Variants in FOXN3 observed in about 807,000 individuals in gnomAD.
FOXN3 encodes forkhead box protein N3.
In FOXN3, 7 loss-of-function variants were observed where a neutral mutation model predicts 38.4. That is an observed-to-expected ratio of 0.18 (90% CI 0.10 to 0.34). The LOEUF (loss-of-function observed/expected upper bound fraction) is 0.34. FOXN3 is among the 10% of genes least tolerant of loss of function. FOXN3 has a pLI of 1.00. For missense variants in FOXN3, 456 were observed against 613.4 expected (o/e 0.74, Z 2.71); for synonymous variants, 230 against 242.2 (o/e 0.95, Z 0.47).
At chr14:89,250,216 T>C (rs1268892501) in intron 4 of FOXN3, among the ~76,000 whole-genome samples, 6 of 152,182 alleles carry the variant, frequency 3.9e-5, no homozygotes, top group Admixed American at 3.9e-4. Context: ...GCTCAACGGA[T>C]CCTCCTGCCT....
rs1231360189 is a variant in FOXN3, at chr14:89,163,302, G to A, written c.852-333C>T. On this transcript the variant is annotated intron_variant, in intron 5 of 5. Transcript: ENST00000557258. The surrounding 1 kb of genome is among the most constrained non-coding windows in gnomAD (Gnocchi z 4.3). ...ATAAAAATCAAGCTGTGCTTGGTTC[G>A]TGTCCCCGCCAACACCACAGAGTCA... 1.3e-5 allele frequency among the ~76,000 whole-genome samples: 2 copies of A among 152,174 alleles called. No individual in the cohort carries two copies. The highest frequency in any genetic ancestry group is 2.4e-5 in the African/African-American group (1 of 41,444).
At chr14:89,443,181 TG>T (rs373407558) in intron 1 of FOXN3, among the ~76,000 whole-genome samples, 2 of 152,202 alleles carry the variant, frequency 1.3e-5, no homozygotes, top group African/African-American at 4.8e-5. Flanking sequence ...GGTAACTGCA[TG>T]ACAAATAATT....
chr14:89,411,421 G>A lies in FOXN3; in HGVS notation c.543+513C>T, dbSNP rs113380408. ...CAACTCATGTCTGTTTAGTCTGCGA[G>A]CGTAAGTATACTCAAGTCTCTTCTC... On this transcript the variant is annotated intron_variant, in intron 2 of 5. Transcript: ENST00000557258. Among the ~76,000 whole-genome samples, 805 of 152,284 alleles carry A rather than the reference G, an allele frequency of 5.3e-3. 9 individuals carry two copies. Among genetic ancestry groups the A allele is most frequent in the Non-Finnish European group, 7.8e-3 (533 of 68,016 alleles).
chr14:89,284,355 A>G, intron 3 of FOXN3: 1 of 412,838 alleles, frequency 2.4e-6, no homozygotes, highest in East Asian at 7.1e-5. Context: ...CTGAGAGGTG[A>G]AAGGACTTGC....
chr14:89,239,664 T>G (rs896788587), intron 4 of FOXN3, among the ~76,000 whole-genome samples: 1 of 152,256 alleles, frequency 6.6e-6, no homozygotes, highest in African/African-American at 2.4e-5. Context: ...CATTAACCAA[T>G]TGTTCAGTCT....
At chr14:89,505,625 C>A (rs1893903818) in intron 1 of FOXN3, among the ~76,000 whole-genome samples, 1 of 152,066 alleles carries the variant, frequency 6.6e-6, no homozygotes, top group Non-Finnish European at 1.5e-5. Flanking sequence ...CGGCTCGCTA[C>A]AACCTCCACC....
At chr14:89,175,020 T>G (rs893989001) in intron 5 of FOXN3, among the ~76,000 whole-genome samples, 1 of 152,214 alleles carries the variant, frequency 6.6e-6, no homozygotes, top group Non-Finnish European at 1.5e-5. Flanking sequence ...TACTAAAGGT[T>G]GCCACCTTCC....
intron 4 of FOXN3, among the ~76,000 whole-genome samples, chr14:89,261,548 C>T (rs368408342): frequency 6.6e-6 from 1 of 152,278 alleles, no homozygotes; most frequent in South Asian, 2.1e-4. Context: ...AATCCCAGCA[C>T]TTTGGGAGGC....
chr14:89,448,396 C>G (rs1192379222), intron 1 of FOXN3, among the ~76,000 whole-genome samples: 3 of 152,068 alleles, frequency 2.0e-5, no homozygotes, highest in Non-Finnish European at 4.4e-5. Flanking sequence ...ACTGGGAAGT[C>G]AGCAGGACCA....
At chr14:89,186,370 C>T (rs549488349) in intron 4 of FOXN3, among the ~76,000 whole-genome samples, 2 of 152,082 alleles carry the variant, frequency 1.3e-5, no homozygotes, top group African/African-American at 4.8e-5. Context: ...ACCTTCCAAC[C>T]AGGGATTATA....
At chr14:89,288,846 C>A (rs1022643262) in intron 3 of FOXN3, among the ~76,000 whole-genome samples, 1 of 149,502 alleles carries the variant, frequency 6.7e-6, no homozygotes, top group Non-Finnish European at 1.5e-5. Flanking sequence ...TTCAACACTA[C>A]GTACTGAAAA....
At chr14:89,247,090 T>C (rs1885321311) in intron 4 of FOXN3, among the ~76,000 whole-genome samples, 1 of 151,900 alleles carries the variant, frequency 6.6e-6, no homozygotes, top group East Asian at 1.9e-4. Flanking sequence ...ACCCACCCAA[T>C]AGTCAGTCTG....
intron 2 of FOXN3, among the ~76,000 whole-genome samples, chr14:89,395,052 C>T (rs970671115): frequency 5.9e-5 from 9 of 152,340 alleles, no homozygotes; most frequent in South Asian, 2.1e-4. Flanking sequence ...TTGGAAATCA[C>T]GCGTTCATGT....
intron 1 of FOXN3, among the ~76,000 whole-genome samples, chr14:89,476,157 C>A (rs1331454107): frequency 2.0e-5 from 3 of 152,202 alleles, no homozygotes; most frequent in Non-Finnish European, 4.4e-5. Flanking sequence ...CACAAACACA[C>A]ACCTTTTTGT....
intron 1 of FOXN3, among the ~76,000 whole-genome samples, chr14:89,514,361 G>A (rs1894160463): frequency 6.6e-6 from 1 of 152,206 alleles, no homozygotes; most frequent in Admixed American, 6.5e-5. Flanking sequence ...TGAGACCTTA[G>A]CGTCTGTGAT....
intron 3 of FOXN3, among the ~76,000 whole-genome samples, chr14:89,347,313 C>T (rs566381800): frequency 4.9e-4 from 75 of 152,252 alleles, no homozygotes; most frequent in African/African-American, 1.7e-3. Flanking sequence ...ATGGAGAAAA[C>T]GAATGCCAAG....
At chr14:89,352,801 C>T (rs78020868) in intron 2 of FOXN3, among the ~76,000 whole-genome samples, 3,131 of 152,224 alleles carry the variant, frequency 0.021, 108 homozygotes, top group African/African-American at 0.071. Flanking sequence ...AGGGAAATAA[C>T]CGTAAGCCAA....
chr14:89,392,029 T>G (rs1339014600), intron 2 of FOXN3, among the ~76,000 whole-genome samples: 1 of 152,120 alleles, frequency 6.6e-6, no homozygotes, highest in Non-Finnish European at 1.5e-5. Context: ...CTGTGATCCC[T>G]TCATTCCCCA....
At chr14:89,179,009 AAAG>A (rs1887596332) in intron 5 of FOXN3, among the ~76,000 whole-genome samples, 1 of 152,244 alleles carries the variant, frequency 6.6e-6, no homozygotes, top group South Asian at 2.1e-4. Flanking sequence ...AGATTTTAAG[AAAG>A]AATGAAAAAC....
Sources: gnomAD v4.1 joint callset for allele counts (sites outside exome capture counted in the v4.1 genomes callset) on GRCh38, gnomAD v4.1.1 for gene constraint, Gnocchi (gnomAD v3.1) non-coding constraint, MANE v1.5 for transcripts, NCBI Gene and HGNC (gene_info 2026-07-23, HGNC 2026-07-21) for gene names.